Variants in C3 observed in about 807,000 individuals in gnomAD.
The protein encoded by C3 is complement C3, also known as C3 and PZP-like alpha-2-macroglobulin domain-containing protein 1.
C3 carries 97 observed loss-of-function variants against 207.9 expected under a neutral mutation model. The ratio of observed to expected loss-of-function variants is 0.47; its 90% CI spans 0.40 to 0.55. The LOEUF (loss-of-function observed/expected upper bound fraction) is 0.55. Among genes scored for constraint, C3 ranks in the 20% least tolerant of loss-of-function variants. C3 has a pLI of 0.00. For missense variants in C3, 1,684 were observed against 2,171.7 expected (o/e 0.78, Z 4.46); for synonymous variants, 848 against 857.6 (o/e 0.99, Z 0.20).
chr19:6,710,599 G>T, intron 13 of C3, 40 bp downstream of exon 13: 2 of 1,475,284 alleles, frequency 1.4e-6, no homozygotes, highest in Non-Finnish European at 9.4e-7. Flanking sequence ...AGAGGAGTAG[G>T]GAGAGGGAGA....
chr19:6,689,292 A>ACAGTCCCCCC (rs1451605182), intron 27 of C3, among the ~76,000 whole-genome samples: 1 of 91,512 alleles, frequency 1.1e-5, no homozygotes. Context: ...GTCTGACCCC[A>ACAGTCCCCCC]CCTCTCCTCT....
Position 6,686,727 on chromosome 19 carries a change from C to G in C3, c.3646+19G>C. On this transcript the variant is annotated intron_variant, in intron 28 of 40. Transcript: ENST00000245907. ...CTTCAGCCATGCATCTCCCTTCACC[C>G]CTCCAGGCCAACCCTCACCTTTGGC... 6.2e-7 allele frequency: 1 copy of G among 1,612,500 alleles called. No homozygotes were observed. Among genetic ancestry groups the G allele is most frequent in the South Asian group, 1.1e-5 (1 of 91,046 alleles).
Position 6,710,855 on chromosome 19 carries a change from C to G in C3, c.1480-10G>C. On this transcript the variant is annotated splice_polypyrimidine_tract_variant and intron_variant, in intron 12 of 40. Coordinates refer to ENST00000245907, the MANE Select transcript of C3 (RefSeq NM_000064.4). ...TGCCCTTGTTCATGATCTGGGGGGA[C>G]AGGCTGGCATCAGGCTGGGGAGGGT... 1 of 1,612,760 alleles carries G rather than the reference C, an allele frequency of 6.2e-7. No individual in the cohort carries two copies. The highest frequency in any genetic ancestry group is 8.5e-7 in the Non-Finnish European group (1 of 1,178,936).
intron 23 of C3, 48 bp from the exon 24 acceptor site, chr19:6,694,682 A>G: frequency 3.2e-6 from 5 of 1,568,802 alleles, no homozygotes; most frequent in Non-Finnish European, 2.6e-6. Context: ...TGGGTGACCC[A>G]CCTTGGGGTG....
At position 6,713,324 on chromosome 19, in the gene C3, G is replaced by GGAGAGGAGGGCTCA. The variant is rs756846986; in HGVS notation, c.877-23_877-10dup. The GGAGAGGAGGGCTCA allele has an allele frequency of 3.1e-6, 5 of 1,613,788 alleles. No individual in the cohort carries two copies. In the African/African-American group the frequency reaches 6.7e-5, roughly 22 times the overall value. ...CCCGAGCCATCCTCAATCTGAGAAG[G>GGAGAGGAGGGCTCA]GAGAGGAGGGCTCAGAGAGGGGAGC... On this transcript the variant is annotated splice_polypyrimidine_tract_variant and intron_variant, in intron 8 of 40. Transcript: ENST00000245907.
intron 17 of C3, among the ~76,000 whole-genome samples, chr19:6,705,972 C>A (rs185860251): frequency 6.6e-6 from 1 of 152,278 alleles, no homozygotes; most frequent in Admixed American, 6.5e-5. Context: ...CCATGCCCGG[C>A]CAATTTTCTC....
At chr19:6,717,922 A>AC in intron 4 of C3, 172 bp downstream of exon 4, 1 of 711,878 alleles carries the variant, frequency 1.4e-6, no homozygotes, top group East Asian at 2.6e-5. Context: ...GTGTGTGTGC[A>AC]TGTTGTGTGC....
intron 35 of C3, among the ~76,000 whole-genome samples, chr19:6,681,227 C>G (rs2145392358): frequency 6.7e-6 from 1 of 148,678 alleles, no homozygotes; most frequent in South Asian, 2.1e-4. Context: ...CCCATATCTA[C>G]AAACTTTTTT....
At position 6,685,189 on chromosome 19, in the gene C3, G is replaced by A. The variant is rs1568211733; in HGVS notation, c.3811-43C>T. 1.9e-6 allele frequency: 3 copies of A among 1,590,278 alleles called. No homozygotes were observed. The South Asian group carries it at 3.3e-5, about 18-fold the overall frequency. The stretch of plus-strand genomic sequence containing the variant: ...GAAAGATGGTGATCTGGGAGCCTGG[G>A]AAAGTGGCTAGAATCCAGTGGGGGA... On this transcript the variant is annotated intron_variant, in intron 29 of 40. Transcript: ENST00000245907.
Position 6,707,105 on chromosome 19 carries a change from G to GCCCC in C3, c.2215_2216insGGGG (p.Ala739GlyfsTer13). 6.2e-7 allele frequency: 1 copy of GCCCC among 1,612,310 alleles called. No homozygotes were observed. The highest frequency in any genetic ancestry group is 8.5e-7 in the Non-Finnish European group (1 of 1,179,556). ...GGCCAGGCCCAGGTGGCTGGCCCGCGCGTGCTGCCGCCGCAGCTCTGTGAT... is the reference window on the plus strand; with the variant it reads ...GGCCAGGCCCAGGTGGCTGGCCCGCGCCCCCGTGCTGCCGCCGCAGCTCTGTGAT... On this transcript the variant is annotated frameshift_variant, in exon 17 of 41. Transcript: ENST00000245907. LOFTEE classifies it high-confidence loss of function.
chr19:6,692,729 C>T (rs928209650), intron 26 of C3, among the ~76,000 whole-genome samples, 195 bp downstream of exon 26: 7 of 152,140 alleles, frequency 4.6e-5, no homozygotes, highest in Non-Finnish European at 8.8e-5. Context: ...TTGCGCTGGG[C>T]TTCGCAGGTC....
intron 33 of C3, chr19:6,683,233 A>T (rs1385837698): frequency 6.6e-6 from 1 of 152,132 alleles, no homozygotes; most frequent in Non-Finnish European, 1.5e-5. Flanking sequence ...TAAGGCATAG[A>T]AAAGATGTTT....
intron 23 of C3, among the ~76,000 whole-genome samples, chr19:6,695,053 C>T (rs1967502831): frequency 3.3e-5 from 5 of 151,866 alleles, no homozygotes; most frequent in Admixed American, 2.6e-4. Context: ...GGTGGATCAC[C>T]TGAGGTCAGG....
Position 6,684,976 on chromosome 19 carries a change from G to A in C3, c.3969+12C>T. ...CAGCCAGAGTGAGGAGGGCTTGGCT[G>A]GGTGACTGTACCTCTTCTGATCGCA... On this transcript the variant is annotated intron_variant, in intron 30 of 40. Transcript: ENST00000245907. The A allele has an allele frequency of 1.9e-6, 3 of 1,613,410 alleles. No individual in the cohort carries two copies. Among genetic ancestry groups the A allele is most frequent in the Non-Finnish European group, 2.5e-6 (3 of 1,179,958 alleles).
chr19:6,680,768 G>A (rs947623673), intron 35 of C3, among the ~76,000 whole-genome samples: 1 of 152,178 alleles, frequency 6.6e-6, no homozygotes, highest in African/African-American at 2.4e-5. Flanking sequence ...AAATGGGATT[G>A]AGGGGCCCTG....
rs1240642964 is a variant in C3 at position 6,706,972 on chromosome 19, C to T, written c.2245+104G>A. On this transcript the variant is annotated intron_variant, in intron 17 of 40. Transcript: ENST00000245907. ...TCCTCCCCCCTCAGACAGCGGCCTC[C>T]TCCAGCCCCACCCCCACCAGACAGG... 16 of 761,946 alleles carry T rather than the reference C, an allele frequency of 2.1e-5. No homozygotes were observed. In the Admixed American group the frequency reaches 2.8e-4, roughly 13 times the overall value. 47.2% of individuals were successfully genotyped at this position (761,946 alleles called of 1,614,324 possible).
chr19:6,702,374 T>C (rs1568220375), intron 18 of C3, 97 bp downstream of exon 18: 5 of 1,013,622 alleles, frequency 4.9e-6, no homozygotes, highest in East Asian at 2.4e-5. Flanking sequence ...GCTGTGGGGT[T>C]GCACTGTGAT....
intron 19 of C3, among the ~76,000 whole-genome samples, chr19:6,698,995 C>T (rs998694958): frequency 2.0e-5 from 3 of 151,870 alleles, no homozygotes; most frequent in Non-Finnish European, 4.4e-5. Flanking sequence ...AGGGTTTCAC[C>T]ATGTTGGCCA....
chr19:6,687,541 T>C (rs1918040285), intron 27 of C3, among the ~76,000 whole-genome samples: 1 of 152,190 alleles, frequency 6.6e-6, no homozygotes, highest in African/African-American at 2.4e-5. Context: ...CACAGCCTTC[T>C]GGGGATGGGG....
Sources: gnomAD v4.1 joint callset for allele counts (sites outside exome capture counted in the v4.1 genomes callset) on GRCh38, gnomAD v4.1.1 for gene constraint, MANE v1.5 for transcripts, NCBI Gene and HGNC (gene_info 2026-07-23, HGNC 2026-07-21) for gene names.